The following TASP1 variants were observed in gnomAD, a reference collection of about 807,000 sequenced individuals.
TASP1 encodes taspase 1, also known as threonine aspartase 1.
A neutral mutation model predicts 56.6 loss-of-function variants in TASP1; 16 were observed. The ratio of observed to expected loss-of-function variants is 0.28; its 90% confidence interval spans 0.19 to 0.43. The LOEUF (loss-of-function observed/expected upper bound fraction) is 0.43, where lower values mean the gene tolerates loss of function less well. Ranked by LOEUF, TASP1 falls within the 20% of genes least tolerant of loss-of-function variation. The probability of loss-of-function intolerance (pLI) is 1.00; values close to 1 mark genes in which losing one functional copy is unlikely to be tolerated. For synonymous variants in TASP1, 179 were observed against 184.2 expected (o/e 0.97, Z 0.23); for missense variants, 393 against 511.6 (o/e 0.77, Z 2.24).
At chr20:13,362,708 A>C in the TASP1 span, among the ~76,000 whole-genome samples, 1 of 151,348 alleles carries the variant, frequency 6.6e-6, no homozygotes, top group Non-Finnish European at 1.5e-5. Context: ...ATACTGCATG[A>C]TTCTGTTTAT....
chr20:13,343,240 G>C, the TASP1 span, among the ~76,000 whole-genome samples: 3 of 152,214 alleles, frequency 2.0e-5, no homozygotes, highest in African/African-American at 7.2e-5. Flanking sequence ...CCAGGATCAG[G>C]TAAGTCTAGA....
intron 1 of TASP1, among the ~76,000 whole-genome samples, chr20:13,632,364 CAAA>C (rs565886595): frequency 6.3e-5 from 3 of 47,974 alleles, no homozygotes; most frequent in African/African-American, 8.1e-5. Flanking sequence ...GACTCCATCT[CAAA>C]AAAAAAAAAA....
At chr20:13,129,149 G>A in the TASP1 span, among the ~76,000 whole-genome samples, 3 of 152,044 alleles carry the variant, frequency 2.0e-5, no homozygotes, top group African/African-American at 2.4e-5. Context: ...TTACAGGCAC[G>A]AGCCACCACA....
At chr20:13,105,898 G>A in the TASP1 span, among the ~76,000 whole-genome samples, 1 of 152,134 alleles carries the variant, frequency 6.6e-6, no homozygotes, top group African/African-American at 2.4e-5. Context: ...AGGAAGACTG[G>A]TTCTCCAAGT....
chr20:13,554,447 A>G (rs907675966), intron 8 of TASP1, among the ~76,000 whole-genome samples: 2 of 152,218 alleles, frequency 1.3e-5, no homozygotes, highest in African/African-American at 4.8e-5. Context: ...CAAGCAGAAT[A>G]AAGTCTTCTG....
intron 13 of TASP1, among the ~76,000 whole-genome samples, chr20:13,391,157 C>T (rs558291726): frequency 1.1e-4 from 16 of 152,228 alleles, no homozygotes; most frequent in Admixed American, 2.6e-4. Flanking sequence ...ACAATTGTTC[C>T]TGGCACTGAG....
the TASP1 span, among the ~76,000 whole-genome samples, chr20:13,148,874 G>T: frequency 2.0e-5 from 3 of 152,170 alleles, no homozygotes; most frequent in Non-Finnish European, 4.4e-5. Flanking sequence ...GCAGAAAATG[G>T]CAATTCCCCT....
chr20:13,432,921 C>T (rs536584637), intron 12 of TASP1, among the ~76,000 whole-genome samples: 5 of 150,710 alleles, frequency 3.3e-5, no homozygotes, highest in Non-Finnish European at 5.9e-5. Context: ...AATTTTAATG[C>T]CCCCCCCAAC....
intron 13 of TASP1, among the ~76,000 whole-genome samples, chr20:13,412,746 G>A (rs568999553): frequency 6.6e-6 from 1 of 152,070 alleles, no homozygotes; most frequent in Non-Finnish European, 1.5e-5. Context: ...GAACACAGTA[G>A]GTACTATATT....
the TASP1 span, among the ~76,000 whole-genome samples, chr20:13,163,388 A>AAAT: frequency 7.0e-6 from 1 of 143,426 alleles, no homozygotes; most frequent in African/African-American, 2.5e-5. Flanking sequence ...AAAAAAAAAA[A>AAAT]AATAGAAATC....
At chr20:13,545,850 T>G (rs1167710063) in intron 8 of TASP1, among the ~76,000 whole-genome samples, 1 of 152,076 alleles carries the variant, frequency 6.6e-6, no homozygotes, top group Non-Finnish European at 1.5e-5. Context: ...AACCCAGGAC[T>G]TTTATCTTTC....
chr20:13,336,006 A>C, the TASP1 span, among the ~76,000 whole-genome samples: 1 of 152,210 alleles, frequency 6.6e-6, no homozygotes, highest in Non-Finnish European at 1.5e-5. Context: ...AAGATGAAAA[A>C]TTTACACCAA....
At chr20:13,344,246 G>A in the TASP1 span, among the ~76,000 whole-genome samples, 1 of 151,820 alleles carries the variant, frequency 6.6e-6, no homozygotes, top group African/African-American at 2.4e-5. Flanking sequence ...TCTTAGGGAC[G>A]ACCTCAAGAT....
chr20:13,279,796 G>C, the TASP1 span: 2 of 1,613,916 alleles, frequency 1.2e-6, no homozygotes, highest in East Asian at 2.2e-5. Context: ...CTACAAGTAC[G>C]ACAGTACCTC....
At chr20:13,192,237 G>T in the TASP1 span, among the ~76,000 whole-genome samples, 1 of 152,168 alleles carries the variant, frequency 6.6e-6, no homozygotes, top group African/African-American at 2.4e-5. Context: ...CTGAAATTTG[G>T]AGGTACATAA....
the TASP1 span, among the ~76,000 whole-genome samples, chr20:13,173,525 C>T: frequency 6.6e-6 from 1 of 152,148 alleles, no homozygotes; most frequent in East Asian, 1.9e-4. Flanking sequence ...TGAATGCTCT[C>T]AGCAAAGGCA....
At chr20:13,362,663 G>T in the TASP1 span, among the ~76,000 whole-genome samples, 2 of 151,846 alleles carry the variant, frequency 1.3e-5, no homozygotes, top group Admixed American at 6.6e-5. Flanking sequence ...AGCCTGTTTG[G>T]TGGTCTCTTC....
intron 9 of TASP1, among the ~76,000 whole-genome samples, chr20:13,528,787 C>T (rs2045095361): frequency 6.6e-6 from 1 of 152,082 alleles, no homozygotes; most frequent in African/African-American, 2.4e-5. Context: ...CCCTGAAAAA[C>T]TTCTCCCTTT....
At chr20:13,262,271 C>A in the TASP1 span, among the ~76,000 whole-genome samples, 7 of 152,154 alleles carry the variant, frequency 4.6e-5, no homozygotes, top group Non-Finnish European at 1.0e-4. Flanking sequence ...GGTGGCCTGG[C>A]CTTTATAGCC....
Sources: gnomAD v4.1 joint callset for allele counts (sites outside exome capture counted in the v4.1 genomes callset) on GRCh38, gnomAD v4.1.1 for gene constraint, MANE v1.5 for transcripts, NCBI Gene and HGNC (gene_info 2026-07-23, HGNC 2026-07-21) for gene names.